The following GPC5 variants were observed in gnomAD, a reference collection of about 807,000 sequenced individuals.
The protein encoded by GPC5 is glypican 5.
GPC5 carries 47 observed loss-of-function variants against 53.9 expected under a neutral mutation model. The ratio of observed to expected loss-of-function variants is 0.87; its 90% confidence interval spans 0.69 to 1.11. The LOEUF is 1.11. GPC5 is among the 50% of genes most tolerant of loss of function. GPC5 has a pLI of 0.00. For missense variants in GPC5, 748 were observed against 713.1 expected (o/e 1.05, Z -0.56); for synonymous variants, 286 against 263.3 (o/e 1.09, Z -0.84).
intron 3 of GPC5, among the ~76,000 whole-genome samples, chr13:91,727,995 C>T (rs1240849942): frequency 6.6e-6 from 1 of 152,024 alleles, no homozygotes; most frequent in African/African-American, 2.4e-5. Context: ...CCTAAAATTA[C>T]ACCAGACTGA....
At chr13:92,100,310 G>A (rs2041455443) in intron 6 of GPC5, among the ~76,000 whole-genome samples, 1 of 152,104 alleles carries the variant, frequency 6.6e-6, no homozygotes, top group Non-Finnish European at 1.5e-5. Flanking sequence ...GGCTGAGGCA[G>A]AGAATTGCTT....
intron 6 of GPC5, among the ~76,000 whole-genome samples, chr13:91,971,016 G>A (rs1280855731): frequency 2.0e-5 from 3 of 152,178 alleles, no homozygotes; most frequent in Non-Finnish European, 4.4e-5. Flanking sequence ...TTTTGCTATT[G>A]ATTGGAATAG....
chr13:92,472,531 G>A (rs1001841534), intron 7 of GPC5, among the ~76,000 whole-genome samples: 2 of 152,100 alleles, frequency 1.3e-5, no homozygotes, highest in Admixed American at 1.3e-4. Flanking sequence ...CTTGCCAGTT[G>A]CCCAAATAGA....
At chr13:92,520,357 G>A (rs1880991053) in intron 7 of GPC5, among the ~76,000 whole-genome samples, 1 of 152,156 alleles carries the variant, frequency 6.6e-6, no homozygotes, top group Admixed American at 6.5e-5. Flanking sequence ...TATCCCTGAT[G>A]AACATCGATG....
At chr13:92,708,094 G>C (rs1315313851) in intron 7 of GPC5, among the ~76,000 whole-genome samples, 2 of 152,102 alleles carry the variant, frequency 1.3e-5, no homozygotes, top group Non-Finnish European at 2.9e-5. Context: ...TATATTTTAA[G>C]TGTTTATTTC....
intron 7 of GPC5, among the ~76,000 whole-genome samples, chr13:92,481,157 G>T (rs1239246655): frequency 6.6e-6 from 1 of 151,660 alleles, no homozygotes; most frequent in African/African-American, 2.4e-5. Flanking sequence ...CTGGAGTGCA[G>T]TGGTGTGATC....
chr13:92,468,968 A>G (rs1050953025), intron 7 of GPC5, among the ~76,000 whole-genome samples: 1 of 152,144 alleles, frequency 6.6e-6, no homozygotes, highest in Non-Finnish European at 1.5e-5. Flanking sequence ...GGATATGCCC[A>G]TGGCGTCCTA....
chr13:91,699,277 G>A (rs2035946689), intron 3 of GPC5, among the ~76,000 whole-genome samples: 2 of 152,118 alleles, frequency 1.3e-5, no homozygotes, highest in African/African-American at 4.8e-5. Flanking sequence ...AAATGTTTTG[G>A]TGGGGGAGCT....
intron 6 of GPC5, among the ~76,000 whole-genome samples, chr13:92,026,578 T>TA (rs1232809948): frequency 6.6e-6 from 1 of 151,906 alleles, no homozygotes; most frequent in Admixed American, 6.6e-5. Flanking sequence ...AGCTACCTTA[T>TA]AAAAAATTAT....
chr13:92,177,420 T>A (rs74655907), intron 7 of GPC5, among the ~76,000 whole-genome samples: 1 of 152,364 alleles, frequency 6.6e-6, no homozygotes, highest in Non-Finnish European at 1.5e-5. Context: ...CCTATCTTGA[T>A]GGAAAGTTGA....
chr13:92,389,163 C>G (rs1223804604), intron 7 of GPC5, among the ~76,000 whole-genome samples: 1 of 151,970 alleles, frequency 6.6e-6, no homozygotes, highest in Non-Finnish European at 1.5e-5. Flanking sequence ...AATACATGAC[C>G]ACATTTATAC....
At chr13:92,420,276 T>C (rs924139947) in intron 7 of GPC5, among the ~76,000 whole-genome samples, 1 of 152,152 alleles carries the variant, frequency 6.6e-6, no homozygotes, top group African/African-American at 2.4e-5. Flanking sequence ...AGCCTAAACA[T>C]AGGTAAGATT....
At chr13:91,461,037 G>A (rs1017444363) in intron 2 of GPC5, among the ~76,000 whole-genome samples, 21 of 152,100 alleles carry the variant, frequency 1.4e-4, no homozygotes, top group African/African-American at 4.1e-4. Flanking sequence ...AAGGCAAAGG[G>A]CTTGAAATGG....
intron 7 of GPC5, among the ~76,000 whole-genome samples, chr13:92,598,921 G>A (rs1334638856): frequency 6.6e-6 from 1 of 152,156 alleles, no homozygotes; most frequent in African/African-American, 2.4e-5. Context: ...GTGTGAGACT[G>A]TCTGAAACAA....
chr13:91,554,752 A>T (rs2030847816), intron 2 of GPC5, among the ~76,000 whole-genome samples: 1 of 151,860 alleles, frequency 6.6e-6, no homozygotes, highest in Non-Finnish European at 1.5e-5. Context: ...TTTTCATGTA[A>T]CCTCTCCGTG....
chr13:92,166,956 TCACA>T (rs199854897), intron 7 of GPC5, among the ~76,000 whole-genome samples: 7,336 of 83,640 alleles, frequency 0.088, 254 homozygotes, highest in Non-Finnish European at 0.12. Flanking sequence ...TCTCTCTCTC[TCACA>T]CACACACACA....
intron 7 of GPC5, among the ~76,000 whole-genome samples, chr13:92,791,725 T>A (rs1876470623): frequency 6.6e-6 from 1 of 152,134 alleles, no homozygotes; most frequent in Non-Finnish European, 1.5e-5. Flanking sequence ...TGTATTTTCT[T>A]ATTTTGTAAC....
chr13:91,630,871 T>C (rs1390074666), intron 2 of GPC5, among the ~76,000 whole-genome samples: 1 of 152,170 alleles, frequency 6.6e-6, no homozygotes, highest in African/African-American at 2.4e-5. Context: ...TTTAAATGAA[T>C]ATCCCTTAAC....
At chr13:91,986,483 A>C (rs2040409531) in intron 6 of GPC5, among the ~76,000 whole-genome samples, 1 of 152,220 alleles carries the variant, frequency 6.6e-6, no homozygotes, top group Admixed American at 6.5e-5. Flanking sequence ...ATTTGTTTGT[A>C]GCTATTTCCT....
Sources: allele counts gnomAD v4.1 joint callset (sites outside exome capture counted in the v4.1 genomes callset), GRCh38; gene constraint gnomAD v4.1.1; transcripts MANE v1.5; gene names NCBI Gene and HGNC (gene_info 2026-07-23, HGNC 2026-07-21).